Variants in JMJD1C observed in about 807,000 individuals in gnomAD.
JMJD1C encodes the protein jumonji domain-containing protein 1C.
JMJD1C carries 31 observed loss-of-function variants against 245.3 expected under a neutral mutation model. The observed-to-expected ratio is 0.13, with a 90% confidence interval of 0.09 to 0.17. The LOEUF (loss-of-function observed/expected upper bound fraction) is 0.17, where lower values mean the gene tolerates loss of function less well. Among genes scored for constraint, JMJD1C ranks in the 10% least tolerant of loss-of-function variants. The pLI is 1.00. For missense variants in JMJD1C, 2,691 were observed against 3,000.2 expected, an observed-to-expected ratio of 0.90 and a Z score of 2.41; for synonymous variants, 1,057 against 1,017.4, an observed-to-expected ratio of 1.04 and a Z score of -0.74.
intron 2 of JMJD1C, chr10:63,372,977 T>C (rs1390772637): frequency 4.1e-6 from 1 of 241,046 alleles, no homozygotes; most frequent in Non-Finnish European, 1.0e-5. Flanking sequence ...TGGGTTAGGG[T>C]CGAAGCCCCA....
At chr10:63,507,657 A>AAAAAAAAAAAAAAAAAAAAAAAAAAAAC (rs1187173031) in intron 1 of JMJD1C, among the ~76,000 whole-genome samples, 1 of 150,056 alleles carries the variant, frequency 6.7e-6, no homozygotes, top group African/African-American at 2.5e-5. Context: ...AAAAAAAAAA[A>AAAAAAAAAAAAAAAAAAAAAAAAAAAAC]AAAAAACAGT....
intron 1 of JMJD1C, among the ~76,000 whole-genome samples, chr10:63,508,672 T>A (rs1026641177): frequency 1.3e-5 from 2 of 152,248 alleles, no homozygotes; most frequent in African/African-American, 4.8e-5. Flanking sequence ...TTTGTAGGTT[T>A]CTTTACATAG....
chr10:63,208,839 T>G, intron 9 of JMJD1C, 38 bp from the exon 10 acceptor site: 1 of 1,491,542 alleles, frequency 6.7e-7, no homozygotes, highest in Non-Finnish European at 9.0e-7. Context: ...GTAACCACTT[T>G]TTCCTGCAAA....
intron 1 of JMJD1C, among the ~76,000 whole-genome samples, chr10:63,463,195 C>T (rs139016924): frequency 3.5e-4 from 53 of 152,250 alleles, no homozygotes; most frequent in Non-Finnish European, 5.3e-4. Flanking sequence ...GACAGGATCT[C>T]ACTCTGTCGC....
In JMJD1C at chr10:63,206,944, T is replaced by C. The variant is rs748977652; in HGVS notation, c.4725A>G (p.Val1575=). 1.2e-6 allele frequency: 2 copies of C among 1,612,426 alleles called. No homozygotes were observed. Among genetic ancestry groups the C allele is most frequent in the South Asian group, 2.2e-5 (2 of 90,712 alleles). ...CAGAACATGGCTTAATAATTTCTGA[T>C]ACAGAATTCCCTGAATTTTCCATTT... ...TNKMENSGNS[V]SEIIKPCSVN... is the part of the protein sequence containing the mutation. The change falls in exon 10 of 26, where the codon GTA becomes GTG. Residue 1575 remains valine, a synonymous_variant. Coordinates refer to ENST00000399262, the MANE Select transcript of JMJD1C (RefSeq NM_032776.3).
intron 2 of JMJD1C, among the ~76,000 whole-genome samples, chr10:63,376,842 G>C (rs1946782283): frequency 1.3e-5 from 2 of 152,122 alleles, no homozygotes; most frequent in South Asian, 4.1e-4. Context: ...AAATGGTGCA[G>C]CCACTTGGAA....
At chr10:63,463,028 T>C (rs1232009803) in intron 1 of JMJD1C, among the ~76,000 whole-genome samples, 1 of 152,138 alleles carries the variant, frequency 6.6e-6, no homozygotes, top group African/African-American at 2.4e-5. Context: ...CACAGGTTTG[T>C]GGCACATGTC....
chr10:63,338,404 G>A (rs1943043461), intron 2 of JMJD1C, among the ~76,000 whole-genome samples: 1 of 151,964 alleles, frequency 6.6e-6, no homozygotes, highest in Non-Finnish European at 1.5e-5. Context: ...AAAGTACTGG[G>A]ATTACAGGCA....
chr10:63,376,903 C>T (rs1946786171), intron 2 of JMJD1C, among the ~76,000 whole-genome samples: 1 of 152,152 alleles, frequency 6.6e-6, no homozygotes, highest in Non-Finnish European at 1.5e-5. Context: ...CCATCTGATC[C>T]AGCAATTCTA....
intron 1 of JMJD1C, chr10:63,427,334 G>C (rs1348068863): frequency 9.3e-7 from 1 of 1,075,984 alleles, no homozygotes; most frequent in African/African-American, 1.6e-5. Context: ...GTGCTCCAGA[G>C]TTCCTGGGAC....
In JMJD1C at chr10:63,300,719, T is replaced by C. The variant is rs955696958; in HGVS notation, c.334-35955A>G. Among the ~76,000 whole-genome samples the C allele has an allele frequency of 1.2e-4, 19 of 152,086 alleles. No individual in the cohort carries two copies. In the East Asian group the frequency reaches 1.9e-3, roughly 16 times the overall value. ...CCAGCCTGGCCAGCATGGTGAAACA[T>C]TGTTTCTACTAAAAGTACAAAAATT... On this transcript the variant is annotated intron_variant, in intron 2 of 25. Coordinates refer to ENST00000399262, the MANE Select transcript of JMJD1C (RefSeq NM_032776.3).
At chr10:63,468,109 G>T (rs1953373467), upstream of JMJD1C, among the ~76,000 whole-genome samples, 1 of 152,140 alleles carries the variant, frequency 6.6e-6, no homozygotes, top group African/African-American at 2.4e-5. Context: ...TGAAAAGCAT[G>T]TAATCCAACA....
At chr10:63,259,515 C>A (rs1854427684) in intron 3 of JMJD1C, among the ~76,000 whole-genome samples, 1 of 152,106 alleles carries the variant, frequency 6.6e-6, no homozygotes, top group Admixed American at 6.5e-5. Context: ...ATGTGTTGAG[C>A]AACAATTACC....
At position 63,197,528 on chromosome 10, in the gene JMJD1C, G is replaced by A. The variant is rs751030734; in HGVS notation, c.5527C>T (p.Arg1843Trp). Residue 1843 changes from arginine (R) to tryptophan (W), a missense_variant, in exon 13 of 26, where the codon CGG (arginine) becomes TGG (tryptophan). Around this residue, in one of 9 missense-constraint regions of JMJD1C, gnomAD observed 139 missense variants for 270.5 expected, o/e 0.51. Transcript: ENST00000399262. ...IAWKRAVRGV[R>W]EMCDACEATL... ...GCTTCACATGCATCACACATCTCCCGGACTCCTCTCACTGCTCTTTTCCAG... is the reference window on the plus strand; with the variant it reads ...GCTTCACATGCATCACACATCTCCCAGACTCCTCTCACTGCTCTTTTCCAG... 5.0e-6 allele frequency: 8 copies of A among 1,594,828 alleles called. No homozygotes were observed. Among genetic ancestry groups the A allele is most frequent in the East Asian group, 2.3e-5 (1 of 44,326 alleles).
At chr10:63,482,062 T>C (rs539360682) in intron 1 of JMJD1C, among the ~76,000 whole-genome samples, 11 of 152,324 alleles carry the variant, frequency 7.2e-5, no homozygotes, top group African/African-American at 2.4e-4. Context: ...CCACTTAATG[T>C]TGTGGATAGG....
chr10:63,394,704 C>T (rs1948341794), intron 1 of JMJD1C, among the ~76,000 whole-genome samples: 1 of 152,082 alleles, frequency 6.6e-6, no homozygotes. Context: ...ATCAGTCAGG[C>T]TTGGTGGCGC....
intron 2 of JMJD1C, among the ~76,000 whole-genome samples, chr10:63,339,919 C>A (rs1943211409): frequency 6.6e-6 from 1 of 152,138 alleles, no homozygotes; most frequent in Non-Finnish European, 1.5e-5. Context: ...TCATTACAGG[C>A]ATGCACCTGT....
At chr10:63,222,022 C>G in intron 3 of JMJD1C, 2 of 391,870 alleles carry the variant, frequency 5.1e-6, no homozygotes, top group South Asian at 4.2e-5. Context: ...ACATCTGGCC[C>G]ATAGAAAACT....
chr10:63,181,136 G>A (rs1445008270), intron 22 of JMJD1C, among the ~76,000 whole-genome samples: 14 of 152,282 alleles, frequency 9.2e-5, no homozygotes, highest in Non-Finnish European at 2.9e-5. Flanking sequence ...AAAGTGTTGG[G>A]ATTACAGGCA....
Sources: gnomAD v4.1 joint callset for allele counts (sites outside exome capture counted in the v4.1 genomes callset) on GRCh38, gnomAD v4.1.1 for gene constraint, gnomAD v4.1.1 regional missense constraint, MANE v1.5 for transcripts, NCBI Gene and HGNC (gene_info 2026-07-23, HGNC 2026-07-21) for gene names.